The following MAGI2 variants were observed in gnomAD, a reference collection of about 807,000 sequenced individuals.
MAGI2 encodes membrane-associated guanylate kinase, WW and PDZ domain-containing protein 2.
A neutral mutation model predicts 133.3 loss-of-function variants in MAGI2; 35 were observed. The observed-to-expected ratio is 0.26, with a 90% CI of 0.20 to 0.35. MAGI2 has a LOEUF of 0.35. Among genes scored for constraint, MAGI2 ranks in the 10% least tolerant of loss-of-function variants. The pLI is 1.00. For missense variants in MAGI2, 1,636 were observed against 1,863.4 expected (o/e 0.88, Z 2.25); for synonymous variants, 729 against 710.6 (o/e 1.03, Z -0.41).
chr7:79,361,367 A>G (rs1450013560), intron 1 of MAGI2, among the ~76,000 whole-genome samples: 2 of 152,036 alleles, frequency 1.3e-5, no homozygotes, highest in African/African-American at 4.8e-5. Context: ...CCTTTAAATG[A>G]TATGCAAGGA....
chr7:78,487,593 C>A (rs1793170640), intron 6 of MAGI2, among the ~76,000 whole-genome samples: 1 of 152,036 alleles, frequency 6.6e-6, no homozygotes, highest in Admixed American at 6.6e-5. Context: ...TGTTTGCCAA[C>A]CTGCACTAGG....
chr7:79,024,892 T>C (rs1253604080), intron 1 of MAGI2, among the ~76,000 whole-genome samples: 1 of 152,172 alleles, frequency 6.6e-6, no homozygotes, highest in South Asian at 2.1e-4. Context: ...GGAACACTTA[T>C]GCATTGCTGC....
intron 1 of MAGI2, among the ~76,000 whole-genome samples, chr7:79,057,881 A>G (rs1424864710): frequency 6.6e-6 from 1 of 151,904 alleles, no homozygotes; most frequent in Non-Finnish European, 1.5e-5. Flanking sequence ...CTTCCATTGC[A>G]TTTTTTGCTA....
At position 78,167,930 on chromosome 7, in the gene MAGI2, T is replaced by C; in HGVS notation, c.2582A>G (p.Lys861Arg). 6.2e-7 allele frequency: 1 copy of C among 1,614,092 alleles called. No individual in the cohort carries two copies. The highest frequency in any genetic ancestry group is 8.5e-7 in the Non-Finnish European group (1 of 1,179,956). ...CAGGTACATACCTCCACATAGCACC[T>C]TTCTTCTCACAGTGAGGTTGACCTG... Reference protein sequence around the residue: ...NGQVNLTVRRKVLCGGEPCPE... With the variant: ...NGQVNLTVRRRVLCGGEPCPE... Residue 861 changes from lysine (K) to arginine (R), a missense_variant, in exon 15 of 22, where the codon AAG becomes AGG. Coordinates refer to ENST00000354212, the MANE Select transcript of MAGI2 (RefSeq NM_012301.4).
intron 9 of MAGI2, among the ~76,000 whole-genome samples, chr7:78,329,792 C>T (rs745411369): frequency 1.6e-4 from 24 of 152,156 alleles, no homozygotes; most frequent in East Asian, 3.9e-4. Flanking sequence ...GAGCATCCTA[C>T]GGCATACTTA....
intron 3 of MAGI2, among the ~76,000 whole-genome samples, chr7:78,569,125 AAC>A (rs56351234): frequency 0.33 from 48,429 of 147,868 alleles, 8,729 homozygotes; most frequent in Middle Eastern, 0.43. Context: ...TGTGCATGCC[AAC>A]ACACACACAC....
At chr7:78,395,311 A>G (rs10234367) in intron 6 of MAGI2, among the ~76,000 whole-genome samples, 82,041 of 152,048 alleles carry the variant, frequency 0.54, 23,051 homozygotes, top group Middle Eastern at 0.66. Context: ...TTAAAGTCCA[A>G]TGGAAAAAGA....
chr7:78,741,365 A>G (rs1822401359), intron 2 of MAGI2, among the ~76,000 whole-genome samples: 1 of 135,614 alleles, frequency 7.4e-6, no homozygotes. Flanking sequence ...GGAATAGAAG[A>G]AAAAAGTTGA....
intron 2 of MAGI2, among the ~76,000 whole-genome samples, chr7:78,639,418 A>G (rs947560261): frequency 6.6e-6 from 1 of 152,162 alleles, no homozygotes; most frequent in Admixed American, 6.5e-5. Flanking sequence ...GAAGAGAGGG[A>G]GGAGTGAAAT....
chr7:78,713,357 G>C (rs1451457698), intron 2 of MAGI2, among the ~76,000 whole-genome samples: 1 of 152,132 alleles, frequency 6.6e-6, no homozygotes, highest in Non-Finnish European at 1.5e-5. Context: ...AATAGGCCCT[G>C]GTTATAGTTT....
chr7:78,053,271 C>T (rs1812207134), intron 21 of MAGI2, among the ~76,000 whole-genome samples: 1 of 152,226 alleles, frequency 6.6e-6, no homozygotes, highest in Non-Finnish European at 1.5e-5. Flanking sequence ...TTTAAAATGT[C>T]TGTCCTAGGA....
At chr7:78,587,263 T>G (rs981632688) in intron 3 of MAGI2, among the ~76,000 whole-genome samples, 13 of 152,268 alleles carry the variant, frequency 8.5e-5, no homozygotes, top group South Asian at 8.3e-4. Flanking sequence ...TTATCCCCCC[T>G]TTTTTTCTCT....
At chr7:78,127,121 T>C in intron 19 of MAGI2, 76 bp downstream of exon 19, 1 of 1,187,288 alleles carries the variant, frequency 8.4e-7, no homozygotes, top group Non-Finnish European at 1.2e-6. Context: ...CTCTTTCCTC[T>C]GCCTCTCCTA....
intron 1 of MAGI2, among the ~76,000 whole-genome samples, chr7:79,260,126 G>A (rs1282369824): frequency 6.6e-6 from 1 of 152,214 alleles, no homozygotes; most frequent in Non-Finnish European, 1.5e-5. Context: ...GGCTGAGGCA[G>A]GTGGATCGCT....
At chr7:79,088,644 G>A (rs1816755187) in intron 1 of MAGI2, among the ~76,000 whole-genome samples, 1 of 152,012 alleles carries the variant, frequency 6.6e-6, no homozygotes, top group African/African-American at 2.4e-5. Flanking sequence ...TTGGCTGTGG[G>A]TTTGTCATAA....
intron 2 of MAGI2, among the ~76,000 whole-genome samples, chr7:78,856,134 T>C (rs1025333950): frequency 6.6e-6 from 1 of 152,240 alleles, no homozygotes; most frequent in Non-Finnish European, 1.5e-5. Flanking sequence ...TTAAGTTCTT[T>C]GTAGATTCTG....
chr7:78,435,504 T>G (rs1004628742), intron 6 of MAGI2, among the ~76,000 whole-genome samples: 1 of 152,118 alleles, frequency 6.6e-6, no homozygotes, highest in African/African-American at 2.4e-5. Context: ...GAGCCTACCC[T>G]GGTACATTCT....
intron 1 of MAGI2, among the ~76,000 whole-genome samples, chr7:79,184,951 C>T (rs1344869488): frequency 6.6e-6 from 1 of 151,426 alleles, no homozygotes; most frequent in Non-Finnish European, 1.5e-5. Flanking sequence ...ATTAATGGCA[C>T]CAATCAATGA....
intron 1 of MAGI2, among the ~76,000 whole-genome samples, chr7:79,233,091 T>C (rs1831522397): frequency 7.6e-6 from 1 of 131,440 alleles, no homozygotes; most frequent in Non-Finnish European, 1.6e-5. Flanking sequence ...AGTTTCCATG[T>C]AGTTGAGTGG....
Sources: gnomAD v4.1 joint callset for allele counts (sites outside exome capture counted in the v4.1 genomes callset) on GRCh38, gnomAD v4.1.1 for gene constraint, MANE v1.5 for transcripts, NCBI Gene and HGNC (gene_info 2026-07-23, HGNC 2026-07-21) for gene names.